Variants in NDST4 observed in about 807,000 individuals in gnomAD.
NDST4 encodes the protein N-deacetylase and N-sulfotransferase 4.
Under a neutral mutation model 100.8 loss-of-function variants are expected in NDST4, and 63 were observed. That is an observed-to-expected ratio of 0.62 (90% CI 0.51 to 0.77). The LOEUF (loss-of-function observed/expected upper bound fraction) is 0.77. Ranked by LOEUF, NDST4 falls within the 30% of genes least tolerant of loss-of-function variation. The pLI is 0.00. For synonymous variants in NDST4, 377 were observed against 361.8 expected, an observed-to-expected ratio of 1.04 and a Z score of -0.48; for missense variants, 943 against 1,018.4, an observed-to-expected ratio of 0.93 and a Z score of 1.01.
intron 2 of NDST4, among the ~76,000 whole-genome samples, chr4:115,015,211 A>G (rs1033706621): frequency 4.6e-5 from 7 of 152,066 alleles, no homozygotes; most frequent in African/African-American, 1.7e-4. Flanking sequence ...TTCTCTCCCA[A>G]CCTGCACCTA....
At chr4:114,997,565 C>T (rs140418386) in intron 2 of NDST4, among the ~76,000 whole-genome samples, 11 of 152,092 alleles carry the variant, frequency 7.2e-5, no homozygotes, top group Non-Finnish European at 1.2e-4. Flanking sequence ...ATAAATATTA[C>T]ACCCAAGAAA....
chr4:114,992,787 T>C (rs1400289522), intron 2 of NDST4, among the ~76,000 whole-genome samples: 3 of 151,824 alleles, frequency 2.0e-5, no homozygotes, highest in African/African-American at 7.2e-5. Flanking sequence ...TAGAAAGGGG[T>C]GTTGCTTAAC....
intron 7 of NDST4, among the ~76,000 whole-genome samples, chr4:114,855,593 G>A (rs189547860): frequency 3.0e-4 from 45 of 151,938 alleles, no homozygotes; most frequent in African/African-American, 1.1e-3. Context: ...TAGAGGTATG[G>A]GTTTATTTCT....
rs547301331 is a variant in NDST4 at position 114,959,193 on chromosome 4, G to C, written c.1221+11237C>G. ...AAGCCATTCAACAAGTCTCTAGGAA[G>C]TTTCAAAATTTCCAACAATTTCATC... is the stretch of plus-strand genomic sequence containing the variant. On this transcript the variant is annotated intron_variant, in intron 4 of 13. Coordinates refer to ENST00000264363, the MANE Select transcript of NDST4 (RefSeq NM_022569.3). 7.1e-4 allele frequency among the ~76,000 whole-genome samples: 108 copies of C among 152,270 alleles called. 1 individual carries two copies. Among genetic ancestry groups the C allele is most frequent in the East Asian group, 5.8e-4 (3 of 5,180 alleles).
intron 9 of NDST4, 51 bp from the exon 10 acceptor site, chr4:114,846,048 A>G: frequency 1.5e-6 from 2 of 1,349,946 alleles, no homozygotes; most frequent in Non-Finnish European, 2.1e-6. Flanking sequence ...TTTTCTTGCC[A>G]TATTCTGAAT....
chr4:114,924,726 G>A (rs1725355142), intron 6 of NDST4, among the ~76,000 whole-genome samples: 1 of 152,136 alleles, frequency 6.6e-6, no homozygotes, highest in Admixed American at 6.6e-5. Flanking sequence ...GTTGATTAAT[G>A]GGTACAAACA....
intron 1 of NDST4, among the ~76,000 whole-genome samples, chr4:115,103,555 G>A (rs1213163242): frequency 6.6e-6 from 1 of 151,848 alleles, no homozygotes; most frequent in Non-Finnish European, 1.5e-5. Flanking sequence ...CTGTAGTTAT[G>A]GTTTCCACCT....
intron 4 of NDST4, among the ~76,000 whole-genome samples, chr4:114,958,254 A>T (rs1726183307): frequency 6.6e-6 from 1 of 152,158 alleles, no homozygotes; most frequent in African/African-American, 2.4e-5. Context: ...TTAATTCCTG[A>T]CCAGAGACCC....
At chr4:114,986,688 A>G (rs2126249394) in intron 2 of NDST4, among the ~76,000 whole-genome samples, 1 of 151,014 alleles carries the variant, frequency 6.6e-6, no homozygotes, top group East Asian at 2.0e-4. Flanking sequence ...AAGTTAGTAT[A>G]TTTGAATAAA....
At chr4:114,976,721 G>C (rs1398718747) in intron 3 of NDST4, among the ~76,000 whole-genome samples, 1 of 151,892 alleles carries the variant, frequency 6.6e-6, no homozygotes, top group Non-Finnish European at 1.5e-5. Flanking sequence ...AAACTAACAA[G>C]TTTAGAGTCT....
chr4:114,879,749 T>G (rs1220417654), intron 6 of NDST4, among the ~76,000 whole-genome samples: 1 of 152,180 alleles, frequency 6.6e-6, no homozygotes, highest in Non-Finnish European at 1.5e-5. Flanking sequence ...TGGAGTAATT[T>G]AATTGCCTTC....
chr4:115,038,591 G>T (rs1219498925), intron 2 of NDST4, among the ~76,000 whole-genome samples: 1 of 152,120 alleles, frequency 6.6e-6, no homozygotes, highest in Non-Finnish European at 1.5e-5. Context: ...TTTGTAAAAT[G>T]ACTTAACATT....
chr4:115,024,124 C>T (rs142828746), intron 2 of NDST4, among the ~76,000 whole-genome samples: 2 of 152,128 alleles, frequency 1.3e-5, no homozygotes, highest in Non-Finnish European at 2.9e-5. Flanking sequence ...CAGACCTCCT[C>T]ACAGGGGAAG....
At position 115,076,816 on chromosome 4, in the gene NDST4, G is replaced by A; in HGVS notation, c.221C>T (p.Ser74Phe). The A allele has an allele frequency of 1.2e-6, 2 of 1,613,932 alleles. No homozygotes were observed. The highest frequency in any genetic ancestry group is 1.7e-6 in the Non-Finnish European group (2 of 1,179,926). Reference protein sequence around the residue: ...ELKTVKPIDTSKTDPTVLLFV... With the variant: ...ELKTVKPIDTFKTDPTVLLFV... ...GAGAAGGACAGTAGGGTCCGTTTTG[G>A]ATGTGTCAATAGGTTTAACTGTTTT... Residue 74 changes from serine (S) to phenylalanine (F), a missense_variant, in exon 2 of 14, where the codon TCC (serine) becomes TTC (phenylalanine). By Grantham distance (155) the Ser-to-Phe change is radical (BLOSUM62 -2). Coordinates refer to ENST00000264363, the MANE Select transcript of NDST4 (RefSeq NM_022569.3).
chr4:114,927,897 C>A (rs1725417759), intron 6 of NDST4, among the ~76,000 whole-genome samples: 5 of 152,124 alleles, frequency 3.3e-5, no homozygotes, highest in Admixed American at 3.3e-4. Context: ...CTACAAACAT[C>A]ACTTTTATAC....
chr4:114,833,455 C>T (rs905810667), intron 12 of NDST4, 151 bp downstream of exon 12: 4 of 597,034 alleles, frequency 6.7e-6, no homozygotes, highest in African/African-American at 1.9e-5. Context: ...AGAAACACTA[C>T]ATGATTGATG....
chr4:114,986,799 T>C lies in NDST4; in HGVS notation c.979-9525A>G, dbSNP rs1373584818. Among the ~76,000 whole-genome samples, 183 of 23,280 alleles carry C rather than the reference T, an allele frequency of 7.9e-3. 4 individuals carry two copies. The highest frequency in any genetic ancestry group is 0.016 in the African/African-American group (175 of 10,874). The allele number at this position is 23,280 out of a possible 152,430, so 15.3% of individuals were successfully genotyped here. ...AGCCTGGTATCCAATTATACATATA[T>C]ATATATATATATATATATATATATA... On this transcript the variant is annotated intron_variant, in intron 2 of 13. Transcript: ENST00000264363.
At chr4:114,997,080 C>T (rs538847117) in intron 2 of NDST4, among the ~76,000 whole-genome samples, 1 of 152,130 alleles carries the variant, frequency 6.6e-6, no homozygotes, top group African/African-American at 2.4e-5. Flanking sequence ...TTTTTCACTT[C>T]CTCCTATTTT....
At chr4:114,910,746 C>T (rs983841588) in intron 6 of NDST4, among the ~76,000 whole-genome samples, 19 of 152,166 alleles carry the variant, frequency 1.2e-4, no homozygotes, top group African/African-American at 3.9e-4. Flanking sequence ...TCCATGTACC[C>T]TTACTAGGCC....
Sources: allele counts gnomAD v4.1 joint callset (sites outside exome capture counted in the v4.1 genomes callset), GRCh38; gene constraint gnomAD v4.1.1; transcripts MANE v1.5; gene names NCBI Gene and HGNC (gene_info 2026-07-23, HGNC 2026-07-21).